UNC79: variants seen among roughly 807,000 people sequenced by gnomAD.
UNC79 encodes the protein protein unc-79 homolog.
In UNC79, 37 loss-of-function variants were observed where a neutral mutation model predicts 283.1. That is an observed-to-expected ratio of 0.13 (90% CI 0.10 to 0.17). UNC79 has a LOEUF of 0.17. Among genes scored for constraint, UNC79 ranks in the 10% least tolerant of loss-of-function variants. The pLI is 1.00. For synonymous variants in UNC79, 1,107 were observed against 1,200.2 expected (o/e 0.92, Z 1.61); for missense variants, 2,272 against 3,211.1 (o/e 0.71, Z 7.07).
At chr14:93,448,255 T>C (rs2056526987) in intron 1 of UNC79, among the ~76,000 whole-genome samples, 1 of 152,022 alleles carries the variant, frequency 6.6e-6, no homozygotes, top group Non-Finnish European at 1.5e-5. Context: ...AGTTCACTTA[T>C]TCTTTCCTCT....
At chr14:93,545,701 A>G (rs185262794) in intron 14 of UNC79, among the ~76,000 whole-genome samples, 88 of 152,344 alleles carry the variant, frequency 5.8e-4, no homozygotes, top group Middle Eastern at 3.4e-3. Context: ...GACATTCTGC[A>G]AAGACTTAGT....
intron 1 of UNC79, among the ~76,000 whole-genome samples, chr14:93,403,841 T>C (rs1209103492): frequency 6.6e-6 from 1 of 150,958 alleles, no homozygotes; most frequent in Non-Finnish European, 1.5e-5. Flanking sequence ...ATCTTGAAAG[T>C]GTTGAAGTGA....
chr14:93,629,151 T>G (rs1304970071), intron 30 of UNC79, among the ~76,000 whole-genome samples: 1 of 151,936 alleles, frequency 6.6e-6, no homozygotes, highest in Non-Finnish European at 1.5e-5. Context: ...CTGAGCTGAG[T>G]TCATGCCACT....
intron 14 of UNC79, among the ~76,000 whole-genome samples, chr14:93,549,879 A>G (rs367773145): frequency 6.6e-6 from 1 of 152,244 alleles, no homozygotes; most frequent in East Asian, 1.9e-4. Context: ...ATATGTAGAA[A>G]CTGTTGGGCC....
chr14:93,526,969 G>C (rs1382312910), intron 8 of UNC79, among the ~76,000 whole-genome samples: 1 of 152,166 alleles, frequency 6.6e-6, no homozygotes, highest in African/African-American at 2.4e-5. Context: ...CTGTGATAGT[G>C]AGCTGTACTG....
intron 34 of UNC79, among the ~76,000 whole-genome samples, chr14:93,644,147 A>G (rs965127695): frequency 2.6e-5 from 4 of 152,220 alleles, no homozygotes; most frequent in Non-Finnish European, 5.9e-5. Context: ...GAGGAGACAC[A>G]TAGTAATTAT....
chr14:93,417,752 C>T (rs1298466360), intron 1 of UNC79, among the ~76,000 whole-genome samples: 3 of 152,078 alleles, frequency 2.0e-5, no homozygotes, highest in Non-Finnish European at 4.4e-5. Context: ...AACTTCCCTT[C>T]TCGCTTCATT....
chr14:93,394,255 G>A (rs1265139851), intron 1 of UNC79, among the ~76,000 whole-genome samples: 1 of 151,934 alleles, frequency 6.6e-6, no homozygotes. Flanking sequence ...ACATTATTCA[G>A]TTTTTCATAT....
In UNC79 at chr14:93,357,905, CTA is replaced by C. The variant is rs1477626532; in HGVS notation, c.-351+24390_-351+24391del. ...TATATGGATATATGGAGATATATAT[CTA>C]TATATATCCATATATATAGATATAT... On this transcript the variant is annotated intron_variant, in intron 1 of 49. Transcript: ENST00000256339. Among the ~76,000 whole-genome samples the C allele has an allele frequency of 3.4e-4, 9 of 26,742 alleles. No homozygotes were observed. In the East Asian group the frequency reaches 4.0e-3, roughly 12 times the overall value. The allele number at this position is 26,742 out of a possible 152,430, so 17.5% of individuals were successfully genotyped here. A position where few individuals can be genotyped will look rare whatever the true frequency, so the allele number is the denominator to read the frequency against.
chr14:93,431,869 C>T (rs1455089942), intron 1 of UNC79, among the ~76,000 whole-genome samples: 3 of 152,170 alleles, frequency 2.0e-5, no homozygotes, highest in Non-Finnish European at 4.4e-5. Flanking sequence ...ACTAGTAGGC[C>T]TTCGGTGTGT....
At chr14:93,522,512 G>C (rs554095774) in intron 7 of UNC79, among the ~76,000 whole-genome samples, 17 of 152,084 alleles carry the variant, frequency 1.1e-4, no homozygotes, top group Non-Finnish European at 1.0e-4. Context: ...TGCAATTCAT[G>C]TACTGGTTAA....
chr14:93,571,176 T>G (rs1295011197), intron 14 of UNC79, among the ~76,000 whole-genome samples: 1 of 152,164 alleles, frequency 6.6e-6, no homozygotes, highest in African/African-American at 2.4e-5. Flanking sequence ...TCACACATCT[T>G]GTGTTATTTA....
chr14:93,690,051 A>G lies in UNC79; in HGVS notation c.7086-66A>G. ...CTTTCAATCCCTTCCTTCAATAAGCATTTGTTATGCACCCAATGAAACACA... is the reference window on the plus strand; with the variant it reads ...CTTTCAATCCCTTCCTTCAATAAGCGTTTGTTATGCACCCAATGAAACACA... On this transcript the variant is annotated intron_variant, in intron 44 of 48. Transcript: ENST00000555664. This position sits in a 1 kb window ranked among gnomAD's most constrained non-coding sequence, Gnocchi z 4.3. The G allele has an allele frequency of 6.5e-7, 1 of 1,542,664 alleles. No individual in the cohort carries two copies. Among genetic ancestry groups the G allele is most frequent in the Non-Finnish European group, 8.8e-7 (1 of 1,132,188 alleles).
At chr14:93,637,904 T>A (rs965528160) in intron 32 of UNC79, among the ~76,000 whole-genome samples, 2 of 152,226 alleles carry the variant, frequency 1.3e-5, no homozygotes, top group Non-Finnish European at 2.9e-5. Flanking sequence ...TAATCTGTAT[T>A]TTTTTCTAGA....
intron 14 of UNC79, among the ~76,000 whole-genome samples, chr14:93,558,090 TGACCAATCTG>T (rs1257510947): frequency 6.6e-6 from 1 of 152,210 alleles, no homozygotes; most frequent in Non-Finnish European, 1.5e-5. Flanking sequence ...AGTTTGTAGC[TGACCAATCTG>T]CAGGGCTGGC....
chr14:93,540,944 T>C lies in UNC79; in HGVS notation c.1524+113T>C, dbSNP rs146742545. On this transcript the variant is annotated intron_variant, in intron 13 of 48. Transcript: ENST00000555664. ...GGAGTAAATAGTGAAAAATTAACCTTAGCAATGGGGCTGAAGCTATGGCAA... is the reference window on the plus strand; with the variant it reads ...GGAGTAAATAGTGAAAAATTAACCTCAGCAATGGGGCTGAAGCTATGGCAA... 435 of 1,352,026 alleles carry C rather than the reference T, an allele frequency of 3.2e-4. 13 individuals are homozygous for C. In the South Asian group the frequency reaches 5.3e-3, roughly 16 times the overall value. The allele number at this position is 1,352,026 out of a possible 1,614,324, so 83.8% of individuals were successfully genotyped here. A position where few individuals can be genotyped will look rare whatever the true frequency, so the allele number is the denominator to read the frequency against.
chr14:93,606,077 C>G (rs1440427214), intron 26 of UNC79, among the ~76,000 whole-genome samples: 3 of 152,126 alleles, frequency 2.0e-5, no homozygotes, highest in African/African-American at 7.2e-5. Flanking sequence ...TGTTCTTAGT[C>G]AGTTTCATAA....
chr14:93,486,675 A>AAAG (rs2058458508), intron 4 of UNC79, among the ~76,000 whole-genome samples: 2 of 148,004 alleles, frequency 1.4e-5, no homozygotes, highest in Admixed American at 6.8e-5. Context: ...AAAAAAAAAA[A>AAAG]AAAGAAAGAA....
At chr14:93,536,911 C>G (rs2061115432) in intron 11 of UNC79, among the ~76,000 whole-genome samples, 1 of 150,266 alleles carries the variant, frequency 6.7e-6, no homozygotes, top group Admixed American at 6.7e-5. Flanking sequence ...ACCACATTTT[C>G]CTGATAGGGC....
Sources: allele counts gnomAD v4.1 joint callset (sites outside exome capture counted in the v4.1 genomes callset), GRCh38; gene constraint gnomAD v4.1.1; non-coding constraint Gnocchi (gnomAD v3.1); transcripts MANE v1.5; gene names NCBI Gene and HGNC (gene_info 2026-07-23, HGNC 2026-07-21).